Variants in MCPH1 observed in about 807,000 individuals in gnomAD.
MCPH1 encodes microcephalin.
Under a neutral mutation model 84.5 loss-of-function variants are expected in MCPH1, and 104 were observed. That is an observed-to-expected ratio of 1.23 (90% confidence interval 1.05 to 1.45). The LOEUF is 1.45. Ranked by LOEUF, MCPH1 falls within the 40% of genes most tolerant of loss-of-function variation. The probability of loss-of-function intolerance (pLI) is 0.00; values close to 1 mark genes in which losing one functional copy is unlikely to be tolerated. For missense variants in MCPH1, 1,498 were observed against 1,005.7 expected (o/e 1.49, Z -6.62); for synonymous variants, 514 against 366.8 (o/e 1.40, Z -4.58).
chr8:6,600,490 C>G (rs1423773926), intron 12 of MCPH1, among the ~76,000 whole-genome samples: 1 of 152,208 alleles, frequency 6.6e-6, no homozygotes, highest in Non-Finnish European at 1.5e-5. Flanking sequence ...GCGGCACTGG[C>G]CACCCTTGGC....
chr8:6,526,238 G>A lies in MCPH1; in HGVS notation c.2214+26309G>A, dbSNP rs543151784. On this transcript the variant is annotated intron_variant, in intron 12 of 13. Transcript: ENST00000344683. ...AGTTTGAGACCAGCCTGGGCAATAT[G>A]GCAAAACCTTGCCTCTACTAAAAAA... 1.6e-3 allele frequency among the ~76,000 whole-genome samples: 225 copies of A among 138,314 alleles called. 1 individual carries two copies. The highest frequency in any genetic ancestry group is 5.9e-3 in the African/African-American group (222 of 37,388). The allele number at this position is 138,314 out of a possible 152,430, so 90.7% of individuals were successfully genotyped here.
At chr8:6,474,028 A>T (rs1808113476) in intron 9 of MCPH1, 1 of 837,018 alleles carries the variant, frequency 1.2e-6, no homozygotes, top group Admixed American at 1.9e-5. Context: ...TCTTCTCATT[A>T]TAACCCCTCA....
chr8:6,530,260 C>A (rs1055246780), intron 12 of MCPH1, among the ~76,000 whole-genome samples: 27 of 152,046 alleles, frequency 1.8e-4, no homozygotes, highest in African/African-American at 6.0e-4. Context: ...GTGATCCCAG[C>A]AGTTTGGGAG....
intron 3 of MCPH1, among the ~76,000 whole-genome samples, chr8:6,427,110 A>T (rs1801172578): frequency 1.3e-5 from 2 of 152,298 alleles, no homozygotes; most frequent in South Asian, 4.1e-4. Context: ...AGTGGTAAGT[A>T]TTTGTGTCTC....
chr8:6,590,237 A>G (rs1389057665), intron 12 of MCPH1, among the ~76,000 whole-genome samples: 1 of 152,164 alleles, frequency 6.6e-6, no homozygotes, highest in Non-Finnish European at 1.5e-5. Flanking sequence ...CAACTATGTA[A>G]TCATTACACA....
chr8:6,482,072 C>A (rs1298909500), intron 11 of MCPH1, among the ~76,000 whole-genome samples: 1 of 152,142 alleles, frequency 6.6e-6, no homozygotes, highest in Non-Finnish European at 1.5e-5. Context: ...CACTTAGTAG[C>A]CATCTTGGTT....
chr8:6,627,461 C>T (rs2448611), intron 13 of MCPH1, among the ~76,000 whole-genome samples: 33,566 of 152,212 alleles, frequency 0.22, 4,073 homozygotes, highest in Non-Finnish European at 0.28. Context: ...TTCAAAGACA[C>T]AATTCAGACA....
In MCPH1 at chr8:6,501,591, G is replaced by C. The variant is rs1352101664; in HGVS notation, c.2214+1662G>C. 1.1e-4 allele frequency: 13 copies of C among 116,110 alleles called. No individual in the cohort carries two copies. The East Asian group carries it at 2.8e-3, about 25-fold the overall frequency. 7.2% of individuals were successfully genotyped at this position (116,110 alleles called of 1,614,324 possible). ...TTTTTTTGAGATGGAGTCTTGCTCTGTTGCCCCGGCTGGAGTGCAGTGGTG... is the reference window on the plus strand; with the variant it reads ...TTTTTTTGAGATGGAGTCTTGCTCTCTTGCCCCGGCTGGAGTGCAGTGGTG... On this transcript the variant is annotated intron_variant, in intron 12 of 13. Coordinates refer to ENST00000344683, the MANE Select transcript of MCPH1 (RefSeq NM_024596.5).
At chr8:6,439,633 G>A (rs1464474509) in intron 6 of MCPH1, among the ~76,000 whole-genome samples, 1 of 151,926 alleles carries the variant, frequency 6.6e-6, no homozygotes, top group African/African-American at 2.4e-5. Flanking sequence ...TTAACCTCAG[G>A]TGATACACCC....
At chr8:6,447,055 A>T in intron 8 of MCPH1, 1 of 985,434 alleles carries the variant, frequency 1.0e-6, no homozygotes, top group South Asian at 4.7e-5. Flanking sequence ...TGTGTGCGCT[A>T]GTGCGAGAGG....
intron 12 of MCPH1, among the ~76,000 whole-genome samples, chr8:6,510,931 G>A (rs1454735646): frequency 6.6e-6 from 1 of 152,162 alleles, no homozygotes; most frequent in African/African-American, 2.4e-5. Flanking sequence ...GTCTCTAAAT[G>A]CCTGCTGCAA....
chr8:6,576,790 C>T (rs79531204), intron 12 of MCPH1, among the ~76,000 whole-genome samples: 1 of 143,548 alleles, frequency 7.0e-6, no homozygotes, highest in Non-Finnish European at 1.5e-5. Flanking sequence ...TCAGGTGATC[C>T]GTCCGCAGGT....
intron 13 of MCPH1, among the ~76,000 whole-genome samples, chr8:6,622,959 G>A (rs916645510): frequency 6.6e-6 from 1 of 151,126 alleles, no homozygotes; most frequent in African/African-American, 2.4e-5. Context: ...TCCTGCCTCA[G>A]CCTCCCAAGT....
At chr8:6,513,554 C>T (rs1356979739) in intron 12 of MCPH1, 7 of 626,616 alleles carry the variant, frequency 1.1e-5, no homozygotes, top group South Asian at 7.4e-5. Context: ...AGGATGGTCT[C>T]AATCTCCTGA....
At chr8:6,511,707 C>G (rs1053829429) in intron 12 of MCPH1, among the ~76,000 whole-genome samples, 3 of 152,110 alleles carry the variant, frequency 2.0e-5, no homozygotes, top group African/African-American at 4.8e-5. Context: ...TCTTGCCAAG[C>G]AAATTAAGCT....
chr8:6,412,262 C>G (rs1310966180), intron 2 of MCPH1, among the ~76,000 whole-genome samples: 1 of 151,992 alleles, frequency 6.6e-6, no homozygotes, highest in African/African-American at 2.4e-5. Context: ...TTGCACATGC[C>G]TAACATTTAC....
At chr8:6,560,032 C>T (rs1207380388) in intron 12 of MCPH1, among the ~76,000 whole-genome samples, 1 of 152,160 alleles carries the variant, frequency 6.6e-6, no homozygotes, top group Non-Finnish European at 1.5e-5. Context: ...GTCTAAGCTC[C>T]CTAGGCTATG....
chr8:6,502,144 G>A (rs1231072176), intron 12 of MCPH1: 1 of 152,084 alleles, frequency 6.6e-6, no homozygotes, highest in Non-Finnish European at 1.5e-5. Context: ...AGAATAGTGA[G>A]AAGATAGTAA....
At chr8:6,627,069 T>A (rs1796780736) in intron 13 of MCPH1, 8 of 985,288 alleles carry the variant, frequency 8.1e-6, no homozygotes, top group Non-Finnish European at 9.6e-6. Context: ...ATGTCGATGT[T>A]TTCAGGAAAA....
Sources: gnomAD v4.1 joint callset for allele counts (sites outside exome capture counted in the v4.1 genomes callset) on GRCh38, gnomAD v4.1.1 for gene constraint, MANE v1.5 for transcripts, NCBI Gene and HGNC (gene_info 2026-07-23, HGNC 2026-07-21) for gene names.